ATAD2: variants seen among roughly 807,000 people sequenced by gnomAD.
ATAD2 encodes the protein ATPase family AAA domain containing 2, also known as ATPase family AAA domain-containing protein 2.
Under a neutral mutation model 168.9 loss-of-function variants are expected in ATAD2, and 62 were observed. That is an observed-to-expected ratio of 0.37 (90% CI 0.30 to 0.45). The LOEUF is 0.45. Ranked by LOEUF, ATAD2 falls within the 20% of genes least tolerant of loss-of-function variation. The pLI, the probability that ATAD2 is intolerant of heterozygous loss-of-function variation, is 1.00. For synonymous variants in ATAD2, 613 were observed against 571.6 expected (o/e 1.07, Z -1.03); for missense variants, 1,419 against 1,667.8 (o/e 0.85, Z 2.60).
intron 1 of ATAD2, among the ~76,000 whole-genome samples, chr8:123,384,687 A>T (rs1829595100): frequency 6.6e-6 from 1 of 152,258 alleles, no homozygotes; most frequent in African/African-American, 2.4e-5. Flanking sequence ...CCACAGACAC[A>T]TGAACTAATT....
At chr8:123,328,739 T>C (rs1827685123) in intron 24 of ATAD2, among the ~76,000 whole-genome samples, 160 bp from the exon 25 acceptor site, 1 of 151,718 alleles carries the variant, frequency 6.6e-6, no homozygotes, top group African/African-American at 2.4e-5. Flanking sequence ...TGTGAGAAGG[T>C]GGAGAAGTGG....
Position 123,328,262 on chromosome 8 carries a change from C to G in ATAD2, c.3796G>C (p.Asp1266His). ...GCATCTCCATTACAAGCAATCTTGT[C>G]TCTCAATTCTGTACATGCTGTAGTC... ...RKTTACTELR[D>H]KIACNGDASS... The change falls in exon 25 of 28, where the codon GAC becomes CAC. Residue 1266 changes from aspartate (D) to histidine (H), a missense_variant. This residue lies in a region of ATAD2 where 303 missense variants were observed against 304.3 expected (regional missense o/e 1.00). Coordinates refer to ENST00000287394, the MANE Select transcript of ATAD2 (RefSeq NM_014109.4). 4 of 1,531,474 alleles carry G rather than the reference C, an allele frequency of 2.6e-6. No homozygotes were observed. The highest frequency in any genetic ancestry group is 3.5e-6 in the Non-Finnish European group (4 of 1,143,480). The allele number at this position is 1,531,474 out of a possible 1,614,324, so 94.9% of individuals were successfully genotyped here.
intron 1 of ATAD2, among the ~76,000 whole-genome samples, chr8:123,406,021 AAC>A (rs1168961447): frequency 6.6e-6 from 1 of 152,222 alleles, no homozygotes; most frequent in Non-Finnish European, 1.5e-5. Context: ...ATTAAGCAGA[AAC>A]ACAGACAAAA....
intron 21 of ATAD2, among the ~76,000 whole-genome samples, chr8:123,337,418 G>A (rs185657444): frequency 1.4e-3 from 208 of 152,242 alleles, no homozygotes; most frequent in African/African-American, 4.9e-3. Context: ...TTAGGTTGGG[G>A]AGACAAAGTT....
At chr8:123,356,191 A>G in intron 13 of ATAD2, 198 bp downstream of exon 13, 1 of 297,454 alleles carries the variant, frequency 3.4e-6, no homozygotes, top group Non-Finnish European at 6.2e-6. Flanking sequence ...TGGCCTCCCA[A>G]AGTGCCAGGA....
chr8:123,383,418 C>G (rs7817491), intron 1 of ATAD2, among the ~76,000 whole-genome samples: 54 of 151,976 alleles, frequency 3.6e-4, no homozygotes, highest in African/African-American at 1.2e-3. Context: ...CTATTGCAGA[C>G]ACTTCAAGGT....
rs1290975944 is a variant in ATAD2, at chr8:123,371,655, G to A, written c.536+15C>T. On this transcript the variant is annotated intron_variant, in intron 4 of 27. Coordinates refer to ENST00000287394, the MANE Select transcript of ATAD2 (RefSeq NM_014109.4). ...TGACAGATAAATCATCTTGATCTAA[G>A]GAATTTTTACTTACTTAGTTATAAG... The A allele has an allele frequency of 3.2e-6, 5 of 1,587,036 alleles. No homozygotes were observed. The highest frequency in any genetic ancestry group is 4.3e-6 in the Non-Finnish European group (5 of 1,170,574).
chr8:123,355,975 T>C (rs1200965891), intron 13 of ATAD2: 1 of 152,478 alleles, frequency 6.6e-6, no homozygotes, highest in Non-Finnish European at 1.5e-5. Context: ...TGGAGTGCAG[T>C]GGCATAATCT....
intron 11 of ATAD2, among the ~76,000 whole-genome samples, chr8:123,358,741 T>C (rs1828722259): frequency 6.8e-6 from 1 of 146,088 alleles, no homozygotes; most frequent in African/African-American, 2.5e-5. Context: ...TTTTTTTTTT[T>C]TTTTTTTGGA....
In ATAD2 at chr8:123,339,614, C is replaced by A. The variant is rs570462878; in HGVS notation, c.2719-168G>T. On this transcript the variant is annotated intron_variant, in intron 19 of 27. Transcript: ENST00000287394. ...ATGTCCAAATAAACCCATCATATGT[C>A]AAGGAGCATCTATACAGTATATAAA... Among the ~76,000 whole-genome samples the A allele has an allele frequency of 1.6e-4, 24 of 152,184 alleles. No individual in the cohort carries two copies. In the East Asian group the frequency reaches 4.4e-3, roughly 28 times the overall value.
intron 15 of ATAD2, 127 bp from the exon 16 acceptor site, chr8:123,347,533 T>A: frequency 2.2e-6 from 2 of 924,404 alleles, no homozygotes; most frequent in East Asian, 2.6e-5. Context: ...AGCAAATATT[T>A]AAGAGTAATA....
chr8:123,329,695 T>C (rs1827718597), intron 24 of ATAD2, among the ~76,000 whole-genome samples: 1 of 134,054 alleles, frequency 7.5e-6, no homozygotes, highest in African/African-American at 2.9e-5. Context: ...GAGCTTGCAG[T>C]GAATCGAGAT....
chr8:123,322,869 A>G (rs1213911425), intron 27 of ATAD2, 69 bp downstream of exon 27: 3 of 1,479,858 alleles, frequency 2.0e-6, no homozygotes, highest in Non-Finnish European at 2.8e-6. Flanking sequence ...AGCCTCAACA[A>G]TCCTACATAA....
chr8:123,334,400 C>CTAAGA (rs1827858677), intron 22 of ATAD2, 78 bp from the exon 23 acceptor site: 1 of 1,262,174 alleles, frequency 7.9e-7, no homozygotes, highest in Non-Finnish European at 1.1e-6. Context: ...GCATATTAGG[C>CTAAGA]TAAGATAGTA....
chr8:123,359,339 G>A lies in ATAD2; in HGVS notation c.1267-3C>T. ...CCACCAACACTATCAAATCGTACCT[G>A]GTAATGGAAGCGAACATGTACATTT... is the stretch of plus-strand genomic sequence containing the variant. On this transcript the variant is annotated splice_polypyrimidine_tract_variant and splice_region_variant and intron_variant, in intron 10 of 27. Transcript: ENST00000287394. The A allele has an allele frequency of 6.3e-7, 1 of 1,582,070 alleles. No individual in the cohort carries two copies. The highest frequency in any genetic ancestry group is 1.4e-5 in the African/African-American group (1 of 73,748).
rs200204254 is a variant in ATAD2, at chr8:123,326,070, T to G, written c.3869-44A>C. On this transcript the variant is annotated intron_variant, in intron 25 of 27. Transcript: ENST00000287394. ...TGATTATTATTTGGTCCATAGATAT[T>G]ATGATGTCTAAAATAAATAATAATA... 402 of 1,579,612 alleles carry G rather than the reference T, an allele frequency of 2.5e-4. 1 individual carries two copies. Among genetic ancestry groups the G allele is most frequent in the Middle Eastern group, 8.4e-4 (5 of 5,980 alleles).
intron 1 of ATAD2, among the ~76,000 whole-genome samples, chr8:123,394,948 T>C (rs538913519): frequency 1.3e-5 from 2 of 152,210 alleles, no homozygotes; most frequent in East Asian, 1.9e-4. Flanking sequence ...CTCAGTAGAG[T>C]AGCAACCAGA....
At chr8:123,359,942 A>C (rs1002886562) in intron 9 of ATAD2, among the ~76,000 whole-genome samples, 3 of 152,240 alleles carry the variant, frequency 2.0e-5, no homozygotes, top group African/African-American at 7.2e-5. Context: ...CACAGGCACC[A>C]TAAAGTGATT....
In ATAD2 at chr8:123,402,040, G is replaced by T; in HGVS notation, c.-2281-865C>A. The T allele has an allele frequency of 1.3e-6, 2 of 1,508,290 alleles. No homozygotes were observed. The highest frequency in any genetic ancestry group is 2.3e-5 in the South Asian group (2 of 88,778). 93.4% of individuals were successfully genotyped at this position (1,508,290 alleles called of 1,614,324 possible). On this transcript the variant is annotated intron_variant, in intron 1 of 28. Coordinates refer to the ATAD2 transcript ENST00000521903. The surrounding 1 kb of genome is among the most constrained non-coding windows in gnomAD (Gnocchi z 4.8). The stretch of plus-strand genomic sequence containing the variant: ...ACTCAGGAGAGCTCAAGTTTGAGAA[G>T]CGTACCATGTCGGCCCAGATTGAGG...
Sources: gnomAD v4.1 joint callset for allele counts (sites outside exome capture counted in the v4.1 genomes callset) on GRCh38, gnomAD v4.1.1 for gene constraint, gnomAD v4.1.1 regional missense constraint, Gnocchi (gnomAD v3.1) non-coding constraint, MANE v1.5 for transcripts, NCBI Gene and HGNC (gene_info 2026-07-23, HGNC 2026-07-21) for gene names.